LARGE1: variants seen among roughly 807,000 people sequenced by gnomAD.
The protein encoded by LARGE1 is LARGE xylosyl- and glucuronyltransferase 1.
Under a neutral mutation model 87.6 loss-of-function variants are expected in LARGE1, and 43 were observed. The ratio of observed to expected loss-of-function variants is 0.49; its 90% confidence interval spans 0.38 to 0.63. The LOEUF (loss-of-function observed/expected upper bound fraction) is 0.63, where lower values mean the gene tolerates loss of function less well. Among genes scored for constraint, LARGE1 ranks in the 30% least tolerant of loss-of-function variants. The probability of loss-of-function intolerance (pLI) is 0.00; values close to 1 mark genes in which losing one functional copy is unlikely to be tolerated. For synonymous variants in LARGE1, 434 were observed against 394.6 expected (o/e 1.10, Z -1.18); for missense variants, 802 against 1,000.2 (o/e 0.80, Z 2.67).
In LARGE1 at chr22:33,610,880, T is replaced by C. The variant is rs531180347; in HGVS notation, c.492-6322A>G. 4.5e-3 allele frequency among the ~76,000 whole-genome samples: 692 copies of C among 152,268 alleles called. 2 individuals carry two copies. The highest frequency in any genetic ancestry group is 0.016 in the African/African-American group (669 of 41,550). On this transcript the variant is annotated intron_variant, in intron 4 of 14. Coordinates refer to ENST00000397394, the MANE Select transcript of LARGE1 (RefSeq NM_133642.5). ...AGGCTGCTCTTTGCATTGTGGCCTC[T>C]CCAGTTCCAGCCTCAGCCCAAAGGG... is the stretch of plus-strand genomic sequence containing the variant.
intron 6 of LARGE1, among the ~76,000 whole-genome samples, chr22:33,493,308 G>A (rs868483724): frequency 1.3e-4 from 20 of 151,862 alleles, no homozygotes; most frequent in South Asian, 6.3e-4. Context: ...TTACAGGCGC[G>A]CGCCACTATG....
the LARGE1 span, among the ~76,000 whole-genome samples, chr22:33,115,284 A>G: frequency 6.6e-6 from 1 of 152,018 alleles, no homozygotes; most frequent in Non-Finnish European, 1.5e-5. Context: ...CCTACTAACA[A>G]TCTCCAAGGC....
intron 1 of LARGE1, among the ~76,000 whole-genome samples, chr22:33,839,258 G>A (rs2063199951): frequency 6.6e-6 from 1 of 152,172 alleles, no homozygotes; most frequent in South Asian, 2.1e-4. Context: ...GTGGGAGCAA[G>A]AAAGAGGGAG....
intron 7 of LARGE1, among the ~76,000 whole-genome samples, chr22:33,418,347 T>C (rs2066575098): frequency 6.6e-6 from 1 of 152,080 alleles, no homozygotes; most frequent in Admixed American, 6.6e-5. Context: ...AGCTGCAAAG[T>C]CTCTTTTGCC....
At chr22:33,402,390 C>G (rs1161284363) in intron 7 of LARGE1, among the ~76,000 whole-genome samples, 1 of 152,176 alleles carries the variant, frequency 6.6e-6, no homozygotes, top group Non-Finnish European at 1.5e-5. Context: ...GAATAAAAGC[C>G]TCTTGATGCT....
chr22:33,341,064 C>G (rs1179811145), intron 9 of LARGE1, among the ~76,000 whole-genome samples: 1 of 148,710 alleles, frequency 6.7e-6, no homozygotes, highest in Non-Finnish European at 1.5e-5. Context: ...CCCATTCCCC[C>G]ACAAAATTCA....
At chr22:33,860,182 G>C (rs1255712880) in intron 1 of LARGE1, among the ~76,000 whole-genome samples, 1 of 151,940 alleles carries the variant, frequency 6.6e-6, no homozygotes, top group Admixed American at 6.6e-5. Context: ...TGTACAGACA[G>C]GGTCTCACTA....
At chr22:33,911,768 G>A (rs1027678957) in intron 1 of LARGE1, among the ~76,000 whole-genome samples, 1 of 152,182 alleles carries the variant, frequency 6.6e-6, no homozygotes, top group African/African-American at 2.4e-5. Context: ...TTTTTACAAA[G>A]CCATCAATGT....
chr22:33,286,830 C>T (rs1602246177), intron 12 of LARGE1, among the ~76,000 whole-genome samples: 1 of 152,194 alleles, frequency 6.6e-6, no homozygotes, highest in East Asian at 1.9e-4. Context: ...ATAGGAGCTG[C>T]TTCTTAGAGA....
At chr22:33,725,797 T>C (rs771565209) in intron 2 of LARGE1, 2 of 152,214 alleles carry the variant, frequency 1.3e-5, no homozygotes, top group Admixed American at 6.5e-5. Flanking sequence ...ATTAAATAAC[T>C]GCAGAATAGT....
chr22:33,890,765 C>A (rs2064982525), intron 1 of LARGE1, among the ~76,000 whole-genome samples: 1 of 124,830 alleles, frequency 8.0e-6, no homozygotes, highest in African/African-American at 3.2e-5. Flanking sequence ...TCAGGTTGTT[C>A]AGGACAGAGG....
intron 1 of LARGE1, among the ~76,000 whole-genome samples, chr22:33,915,615 G>C (rs1313329644): frequency 6.6e-6 from 1 of 152,278 alleles, no homozygotes; most frequent in East Asian, 1.9e-4. Flanking sequence ...AATGCTGTAC[G>C]TAGAATGATA....
intron 12 of LARGE1, among the ~76,000 whole-genome samples, chr22:33,301,316 C>T (rs1934109967): frequency 6.6e-6 from 1 of 152,038 alleles, no homozygotes; most frequent in Non-Finnish European, 1.5e-5. Flanking sequence ...ACTTTGGTGC[C>T]TAGGAATTGT....
intron 10 of LARGE1, among the ~76,000 whole-genome samples, chr22:33,334,112 G>T (rs1354294185): frequency 6.9e-6 from 1 of 144,734 alleles, no homozygotes; most frequent in Non-Finnish European, 1.5e-5. Context: ...GACAGTGCGA[G>T]ATTCCGTCTC....
intron 10 of LARGE1, among the ~76,000 whole-genome samples, chr22:33,316,701 C>T (rs9607031): frequency 0.28 from 43,229 of 151,778 alleles, 6,798 homozygotes; most frequent in Non-Finnish European, 0.37. Flanking sequence ...GGCACCACTG[C>T]ACTCCAGCCT....
chr22:33,072,904 C>A, the LARGE1 span, among the ~76,000 whole-genome samples: 1 of 152,146 alleles, frequency 6.6e-6, no homozygotes, highest in African/African-American at 2.4e-5. Flanking sequence ...ATCTATGAAA[C>A]GCCAGGGCTG....
intron 1 of LARGE1, among the ~76,000 whole-genome samples, chr22:33,890,295 C>T (rs559473833): frequency 8.5e-5 from 13 of 152,232 alleles, no homozygotes; most frequent in African/African-American, 3.1e-4. Flanking sequence ...CTGTTTATTC[C>T]ATCTTAGGGT....
intron 2 of LARGE1, among the ~76,000 whole-genome samples, chr22:33,709,534 C>T (rs1168682137): frequency 6.6e-6 from 1 of 152,066 alleles, no homozygotes; most frequent in African/African-American, 2.4e-5. Context: ...GAGGCAGTAG[C>T]GCGCTTCCTT....
At chr22:33,749,178 A>C (rs975530581) in intron 2 of LARGE1, among the ~76,000 whole-genome samples, 1 of 152,156 alleles carries the variant, frequency 6.6e-6, no homozygotes, top group African/African-American at 2.4e-5. Flanking sequence ...GCAATGGCAC[A>C]ATCTCGGCTC....
Sources: allele counts gnomAD v4.1 joint callset (sites outside exome capture counted in the v4.1 genomes callset), GRCh38; gene constraint gnomAD v4.1.1; transcripts MANE v1.5; gene names NCBI Gene and HGNC (gene_info 2026-07-23, HGNC 2026-07-21).